IQCJ: variants seen among roughly 807,000 people sequenced by gnomAD.
IQCJ encodes the protein IQ motif containing J.
IQCJ carries 9 observed loss-of-function variants against 11.0 expected under a neutral mutation model. That is an observed-to-expected ratio of 0.82 (90% CI 0.49 to 1.43). IQCJ has a LOEUF of 1.43. Among genes scored for constraint, IQCJ ranks in the 40% most tolerant of loss-of-function variants. IQCJ has a pLI of 0.00. For synonymous variants in IQCJ, 55 were observed against 51.3 expected (o/e 1.07, Z -0.31); for missense variants, 146 against 133.2 (o/e 1.10, Z -0.47).
Position 159,248,753 on chromosome 3 carries a change from C to T in IQCJ, c.74+2846C>T, listed in dbSNP as rs1341099346. ...GAAAATATATTTTAGGCTCATTTCA[C>T]TTATTCAATAATCTCCTCATGCAGC... On this transcript the variant is annotated intron_variant, in intron 2 of 3. Coordinates refer to ENST00000397832, the MANE Select transcript of IQCJ (RefSeq NM_001042706.3). Among the ~76,000 whole-genome samples, 3 of 152,188 alleles carry T rather than the reference C, an allele frequency of 2.0e-5. No homozygotes were observed. In the South Asian group the frequency reaches 6.2e-4, roughly 32 times the overall value.
chr3:159,104,976 T>A (rs1328054608), intron 1 of IQCJ, among the ~76,000 whole-genome samples: 1 of 152,190 alleles, frequency 6.6e-6, no homozygotes, highest in African/African-American at 2.4e-5. Context: ...ATGGTTCACT[T>A]CTCAGTAATT....
intron 1 of IQCJ, among the ~76,000 whole-genome samples, chr3:159,118,718 T>C (rs954052185): frequency 3.3e-5 from 5 of 152,068 alleles, no homozygotes; most frequent in African/African-American, 1.2e-4. Context: ...ACCATACACA[T>C]ACTGAACACC....
intron 1 of IQCJ, among the ~76,000 whole-genome samples, chr3:159,106,711 A>G (rs956290180): frequency 6.6e-6 from 1 of 152,128 alleles, no homozygotes; most frequent in Non-Finnish European, 1.5e-5. Context: ...ATACCCCACA[A>G]GTTAGGGGCT....
intron 1 of IQCJ, among the ~76,000 whole-genome samples, chr3:159,165,890 A>G (rs1577054774): frequency 1.3e-5 from 2 of 151,174 alleles, no homozygotes; most frequent in East Asian, 3.9e-4. Context: ...AGGCCTTCCA[A>G]AGTGCTGGGA....
chr3:159,252,651 A>G, intron 2 of IQCJ, 76 bp from the exon 3 acceptor site: 1 of 1,262,682 alleles, frequency 7.9e-7, no homozygotes, highest in Non-Finnish European at 1.1e-6. Flanking sequence ...ACACATAAGT[A>G]TAAATTAGCA....
At chr3:159,228,982 G>A (rs973012313) in intron 1 of IQCJ, among the ~76,000 whole-genome samples, 1 of 152,206 alleles carries the variant, frequency 6.6e-6, no homozygotes, top group Non-Finnish European at 1.5e-5. Context: ...CTCAGTTGTT[G>A]TTAATAGATT....
downstream of IQCJ, among the ~76,000 whole-genome samples, chr3:159,264,938 G>T (rs139924967): frequency 1.3e-3 from 199 of 151,702 alleles, 1 homozygote; most frequent in African/African-American, 4.7e-3. Context: ...AATCAGAACA[G>T]ATTTTCAAAA....
intron 1 of IQCJ, among the ~76,000 whole-genome samples, chr3:159,087,961 C>G (rs1716922745): frequency 6.7e-6 from 1 of 149,548 alleles, no homozygotes. Flanking sequence ...CTTCTGCTAG[C>G]TTTTGAATGT....
At chr3:159,265,468 A>C, downstream of IQCJ, 2 of 1,295,664 alleles carry the variant, frequency 1.5e-6, no homozygotes. Context: ...GCCTGTCATC[A>C]AGAAATGAGC....
chr3:159,145,365 A>G (rs1201298271), intron 1 of IQCJ, among the ~76,000 whole-genome samples: 1 of 152,230 alleles, frequency 6.6e-6, no homozygotes, highest in Non-Finnish European at 1.5e-5. Context: ...TCTTCTGTTT[A>G]CTGTTAATTC....
intron 1 of IQCJ, among the ~76,000 whole-genome samples, chr3:159,104,276 A>G (rs895041985): frequency 6.6e-6 from 1 of 152,152 alleles, no homozygotes; most frequent in Non-Finnish European, 1.5e-5. Flanking sequence ...TTCTTTGTAC[A>G]CTTTCACTGA....
intron 1 of IQCJ, among the ~76,000 whole-genome samples, chr3:159,116,830 A>G (rs1271531795): frequency 6.6e-6 from 1 of 151,794 alleles, no homozygotes; most frequent in African/African-American, 2.4e-5. Flanking sequence ...ACACTTGGAA[A>G]TAATCTGAGT....
At chr3:159,163,821 A>C (rs1365391278) in intron 1 of IQCJ, among the ~76,000 whole-genome samples, 2 of 152,186 alleles carry the variant, frequency 1.3e-5, no homozygotes, top group African/African-American at 2.4e-5. Flanking sequence ...GAGGTTGGGA[A>C]GTCTGGCTTC....
intron 1 of IQCJ, among the ~76,000 whole-genome samples, chr3:159,237,492 A>G (rs183806244): frequency 1.3e-5 from 2 of 152,312 alleles, no homozygotes; most frequent in East Asian, 3.9e-4. Flanking sequence ...TTCACACCCA[A>G]GTTACTTTAG....
chr3:159,211,498 A>G (rs766395748), intron 1 of IQCJ, among the ~76,000 whole-genome samples: 1 of 152,242 alleles, frequency 6.6e-6, no homozygotes, highest in African/African-American at 2.4e-5. Context: ...CACTCTGTAG[A>G]TGAGGGACAA....
chr3:159,259,162 G>A (rs1728065613), intron 3 of IQCJ, among the ~76,000 whole-genome samples: 1 of 152,080 alleles, frequency 6.6e-6, no homozygotes, highest in African/African-American at 2.4e-5. Flanking sequence ...GCATGACAGA[G>A]CCAACCGCAC....
At chr3:159,249,926 C>CACACACACAT (rs55634874) in intron 2 of IQCJ, among the ~76,000 whole-genome samples, 2 of 151,552 alleles carry the variant, frequency 1.3e-5, no homozygotes, top group African/African-American at 4.9e-5. Flanking sequence ...CACACACACA[C>CACACACACAT]GAGCTTAGCG....
chr3:159,245,357 A>G (rs1727197968), intron 1 of IQCJ, among the ~76,000 whole-genome samples: 1 of 152,166 alleles, frequency 6.6e-6, no homozygotes, highest in East Asian at 1.9e-4. Context: ...AGTAAAAAAA[A>G]AGTCACACAA....
chr3:159,254,135 C>T (rs1377744330), intron 3 of IQCJ, among the ~76,000 whole-genome samples: 1 of 152,214 alleles, frequency 6.6e-6, no homozygotes, highest in African/African-American at 2.4e-5. Flanking sequence ...GTTGCTTTAT[C>T]ATTAGGAATT....
Sources: allele counts gnomAD v4.1 joint callset (sites outside exome capture counted in the v4.1 genomes callset), GRCh38; gene constraint gnomAD v4.1.1; transcripts MANE v1.5; gene names NCBI Gene and HGNC (gene_info 2026-07-23, HGNC 2026-07-21).